SLC35F4: variants seen among roughly 807,000 people sequenced by gnomAD.
SLC35F4 encodes the protein solute carrier family 35 member F4, also known as chromosome 14 open reading frame 36.
A neutral mutation model predicts 44.2 loss-of-function variants in SLC35F4; 24 were observed. That is an observed-to-expected ratio of 0.54 (90% confidence interval 0.39 to 0.76). SLC35F4 has a LOEUF of 0.76. Ranked by LOEUF, SLC35F4 falls within the 30% of genes least tolerant of loss-of-function variation. The pLI, the probability that SLC35F4 is intolerant of heterozygous loss-of-function variation, is 0.00. For synonymous variants in SLC35F4, 238 were observed against 223.6 expected (o/e 1.06, Z -0.57); for missense variants, 562 against 586.1 (o/e 0.96, Z 0.42).
At chr14:57,973,138 G>A (rs191532672), downstream of SLC35F4, among the ~76,000 whole-genome samples, 70 of 152,330 alleles carry the variant, frequency 4.6e-4, no homozygotes, top group African/African-American at 1.6e-3. Flanking sequence ...TTGAGCTGGG[G>A]AGAGTTCAGG....
At chr14:57,703,667 AC>A (rs2075599046) in intron 1 of SLC35F4, among the ~76,000 whole-genome samples, 1 of 152,188 alleles carries the variant, frequency 6.6e-6, no homozygotes, top group Non-Finnish European at 1.5e-5. Flanking sequence ...GCTAAACTTG[AC>A]ATAATCAAGC....
At chr14:57,947,045 C>T (rs538880956) in intron 1 of SLC35F4, among the ~76,000 whole-genome samples, 115 of 152,086 alleles carry the variant, frequency 7.6e-4, no homozygotes, top group African/African-American at 2.6e-3. Flanking sequence ...TTCAGAATTG[C>T]ACTGAATCTA....
chr14:57,937,475 T>C (rs187142959), intron 1 of SLC35F4, among the ~76,000 whole-genome samples: 40 of 150,212 alleles, frequency 2.7e-4, no homozygotes, highest in Non-Finnish European at 2.8e-4. Context: ...AGTCAGGAGA[T>C]AAAGAGGTCA....
At chr14:57,621,194 C>T (rs1415982334) in intron 1 of SLC35F4, among the ~76,000 whole-genome samples, 1 of 151,120 alleles carries the variant, frequency 6.6e-6, no homozygotes, top group African/African-American at 2.4e-5. Context: ...AAGAACATTC[C>T]ATGCTCATGG....
At chr14:57,612,551 A>G (rs1453870193) in intron 1 of SLC35F4, among the ~76,000 whole-genome samples, 1 of 152,152 alleles carries the variant, frequency 6.6e-6, no homozygotes, top group Non-Finnish European at 1.5e-5. Flanking sequence ...TTTCTGGTTT[A>G]TTTATTTTTC....
chr14:57,776,160 A>G (rs2077482792), intron 1 of SLC35F4, among the ~76,000 whole-genome samples: 1 of 152,252 alleles, frequency 6.6e-6, no homozygotes. Context: ...TAGGAGACCA[A>G]ATCTATGACT....
intron 1 of SLC35F4, among the ~76,000 whole-genome samples, chr14:57,900,905 A>C (rs1189618844): frequency 6.6e-6 from 1 of 152,246 alleles, no homozygotes; most frequent in East Asian, 1.9e-4. Context: ...GCAGCCAACA[A>C]ACATATGAAA....
At chr14:57,759,889 T>TTG (rs1555384544) in intron 1 of SLC35F4, among the ~76,000 whole-genome samples, 15 of 151,908 alleles carry the variant, frequency 9.9e-5, no homozygotes, top group African/African-American at 1.7e-4. Flanking sequence ...TGTTTTTTTT[T>TTG]TTTGTTTGCT....
chr14:57,646,492 C>A (rs187160784), intron 1 of SLC35F4, among the ~76,000 whole-genome samples: 93 of 151,994 alleles, frequency 6.1e-4, no homozygotes, highest in African/African-American at 2.2e-3. Context: ...TTTTTTATTG[C>A]GTCTATTTGA....
chr14:57,756,147 G>T (rs2076989593), intron 1 of SLC35F4, among the ~76,000 whole-genome samples: 1 of 151,734 alleles, frequency 6.6e-6, no homozygotes, highest in Non-Finnish European at 1.5e-5. Flanking sequence ...TTTTTTTCTA[G>T]TCTCTTAAGA....
intron 1 of SLC35F4, among the ~76,000 whole-genome samples, chr14:57,753,270 A>G (rs2076926764): frequency 6.6e-6 from 1 of 152,208 alleles, no homozygotes; most frequent in Non-Finnish European, 1.5e-5. Flanking sequence ...GGACTCCTCC[A>G]AAGGAGCTGC....
At chr14:57,944,925 C>CA (rs1889995779) in intron 1 of SLC35F4, among the ~76,000 whole-genome samples, 1 of 152,136 alleles carries the variant, frequency 6.6e-6, no homozygotes, top group Non-Finnish European at 1.5e-5. Context: ...CTTACACACA[C>CA]AAAAAATACT....
At chr14:57,736,674 A>G (rs1173560165) in intron 1 of SLC35F4, among the ~76,000 whole-genome samples, 1 of 152,210 alleles carries the variant, frequency 6.6e-6, no homozygotes, top group Non-Finnish European at 1.5e-5. Context: ...ACCACAAGTT[A>G]TTATCTGACC....
At chr14:57,619,759 T>C (rs2072071336) in intron 1 of SLC35F4, among the ~76,000 whole-genome samples, 1 of 152,072 alleles carries the variant, frequency 6.6e-6, no homozygotes, top group Admixed American at 6.5e-5. Flanking sequence ...TAAAGGAGCA[T>C]GTTCTAATGA....
At chr14:57,856,688 T>C (rs1346140558) in intron 1 of SLC35F4, among the ~76,000 whole-genome samples, 2 of 152,040 alleles carry the variant, frequency 1.3e-5, no homozygotes, top group Non-Finnish European at 2.9e-5. Flanking sequence ...AACCACATAT[T>C]AATGGTACTT....
chr14:57,683,508 G>A (rs577825686), intron 1 of SLC35F4, among the ~76,000 whole-genome samples: 54 of 152,174 alleles, frequency 3.5e-4, no homozygotes, highest in Admixed American at 3.4e-3. Context: ...GCTTCTACAG[G>A]CTTTTTCTTC....
At chr14:57,661,024 G>C (rs944058847) in intron 1 of SLC35F4, among the ~76,000 whole-genome samples, 5 of 152,118 alleles carry the variant, frequency 3.3e-5, no homozygotes, top group Admixed American at 6.6e-5. Context: ...CCATTTCTTC[G>C]GCACTGTAGG....
At chr14:57,887,643 G>T (rs970112518) in intron 1 of SLC35F4, among the ~76,000 whole-genome samples, 2 of 152,078 alleles carry the variant, frequency 1.3e-5, no homozygotes, top group Admixed American at 6.6e-5. Context: ...TGGAATTTTG[G>T]GTCCCTTTTC....
chr14:57,913,306 G>A (rs1022964943), intron 1 of SLC35F4, among the ~76,000 whole-genome samples: 6 of 151,766 alleles, frequency 4.0e-5, no homozygotes, highest in African/African-American at 1.2e-4. Flanking sequence ...TACCATATTT[G>A]TTACTGTTTT....
Sources: gnomAD v4.1 joint callset for allele counts (sites outside exome capture counted in the v4.1 genomes callset) on GRCh38, gnomAD v4.1.1 for gene constraint, MANE v1.5 for transcripts, NCBI Gene and HGNC (gene_info 2026-07-23, HGNC 2026-07-21) for gene names.